The following RADIL variants were observed in gnomAD, a reference collection of about 807,000 sequenced individuals.
RADIL encodes the protein Rap associating with DIL domain, also known as ras-associating and dilute domain-containing protein.
RADIL carries 99 observed loss-of-function variants against 97.6 expected under a neutral mutation model. That is an observed-to-expected ratio of 1.01 (90% CI 0.86 to 1.20). The LOEUF is 1.20. Ranked by LOEUF, RADIL falls within the 50% of genes most tolerant of loss-of-function variation. The pLI, the probability that RADIL is intolerant of heterozygous loss-of-function variation, is 0.00. For synonymous variants in RADIL, 803 were observed against 691.8 expected, an observed-to-expected ratio of 1.16 and a Z score of -2.52; for missense variants, 1,765 against 1,498.9, an observed-to-expected ratio of 1.18 and a Z score of -2.93.
chr7:4,821,187 C>T lies in RADIL; in HGVS notation c.1615+1207G>A, dbSNP rs146143588. Among the ~76,000 whole-genome samples the T allele has an allele frequency of 6.6e-6, 1 of 152,314 alleles. No individual in the cohort carries two copies. The highest frequency in any genetic ancestry group is 1.5e-5 in the Non-Finnish European group (1 of 68,010). On this transcript the variant is annotated intron_variant, in intron 6 of 14. Transcript: ENST00000399583. The surrounding 1 kb of genome is among the most constrained non-coding windows in gnomAD (Gnocchi z 5.2). Reference sequence around the variant, plus strand: ...AGCTCTGAATGCACCACTCCCTACCCGGATCCTCCAGAAGCCAGACCGCCA... The same window carrying T: ...AGCTCTGAATGCACCACTCCCTACCTGGATCCTCCAGAAGCCAGACCGCCA...
intron 5 of RADIL, among the ~76,000 whole-genome samples, chr7:4,823,977 T>A (rs1014834462): frequency 2.6e-5 from 4 of 152,212 alleles, no homozygotes; most frequent in Admixed American, 2.0e-4. Context: ...AGAGGATGCA[T>A]TCATCCCTAA....
At chr7:4,856,560 C>G (rs935083874) in intron 2 of RADIL, among the ~76,000 whole-genome samples, 2 of 152,184 alleles carry the variant, frequency 1.3e-5, no homozygotes, top group African/African-American at 4.8e-5. Context: ...ATCTGATGAA[C>G]AAAATCTCTT....
rs1259460198 is a variant in RADIL, at chr7:4,879,759, A to T, written c.-64-1556T>A. ...GAGCCACACTGTCCCTTAGGAAACT[A>T]AACAGTGGAACCGCCCCAGCCTCCA... On this transcript the variant is annotated intron_variant, in intron 1 of 14. Coordinates refer to ENST00000399583, the MANE Select transcript of RADIL (RefSeq NM_018059.5). The surrounding 1 kb of genome is among the most constrained non-coding windows in gnomAD (Gnocchi z 4.1). 6.6e-6 allele frequency among the ~76,000 whole-genome samples: 1 copy of T among 152,204 alleles called. No homozygotes were observed. Among genetic ancestry groups the T allele is most frequent in the African/African-American group, 2.4e-5 (1 of 41,456 alleles).
intron 9 of RADIL, among the ~76,000 whole-genome samples, chr7:4,812,236 CA>C (rs1414882663): frequency 6.6e-6 from 1 of 152,196 alleles, no homozygotes; most frequent in Non-Finnish European, 1.5e-5. Flanking sequence ...CCTGTTGAAT[CA>C]GTTTCAATAA....
intron 2 of RADIL, chr7:4,861,581 A>G: frequency 6.2e-7 from 1 of 1,613,454 alleles, no homozygotes; most frequent in East Asian, 2.2e-5. Context: ...GATTTCGCGT[A>G]TCCATTCCTT....
At chr7:4,823,889 G>C (rs1124130) in intron 5 of RADIL, among the ~76,000 whole-genome samples, 47,601 of 152,132 alleles carry the variant, frequency 0.31, 10,297 homozygotes, top group African/African-American at 0.61. Flanking sequence ...CTCACAGGTT[G>C]CTCATCTGGT....
At chr7:4,862,038 A>G (rs980311956) in intron 2 of RADIL, 3 of 395,542 alleles carry the variant, frequency 7.6e-6, no homozygotes, top group African/African-American at 6.2e-5. Flanking sequence ...CCTACCGTAC[A>G]CGCGCGGGCG....
intron 9 of RADIL, chr7:4,809,022 C>A: frequency 2.7e-6 from 2 of 744,604 alleles, no homozygotes; most frequent in South Asian, 6.8e-5. Flanking sequence ...CACTGCCCCC[C>A]CTTGTCCCCT....
chr7:4,801,983 C>G lies in RADIL; in HGVS notation c.2512G>C (p.Val838Leu). 1 of 1,538,102 alleles carries G rather than the reference C, an allele frequency of 6.5e-7. No homozygotes were observed. Among genetic ancestry groups the G allele is most frequent in the Non-Finnish European group, 8.7e-7 (1 of 1,146,886 alleles). Reference sequence around the variant, plus strand: ...GCCTCCAGGTGCCCGTCAAGGACCACGTGGTGCATACCCTAGGGAGAGGAA... The same window carrying G: ...GCCTCCAGGTGCCCGTCAAGGACCAGGTGGTGCATACCCTAGGGAGAGGAA... ...QPVCPEGMHH[V>L]VLDGHLEAPS... Residue 838 changes from valine to leucine, a missense_variant, in exon 12 of 15, where the codon GTG (valine) becomes CTG (leucine). Transcript: ENST00000399583.
Position 4,849,701 on chromosome 7 carries a change from ACTGTGT to A in RADIL, c.536-13102_536-13097del, listed in dbSNP as rs1428661542. 1.3e-5 allele frequency among the ~76,000 whole-genome samples: 2 copies of A among 152,134 alleles called. No homozygotes were observed. Among genetic ancestry groups the A allele is most frequent in the African/African-American group, 4.8e-5 (2 of 41,434 alleles). ...TCCTCTTGAGGACAAAGAAAATGATACTGTGTGGGGAGTGTGGACAGGGACGGCTCT... is the reference window on the plus strand; with the variant it reads ...TCCTCTTGAGGACAAAGAAAATGATAGGGGAGTGTGGACAGGGACGGCTCT... On this transcript the variant is annotated intron_variant, in intron 2 of 14. Coordinates refer to ENST00000399583, the MANE Select transcript of RADIL (RefSeq NM_018059.5). The surrounding 1 kb of genome is among the most constrained non-coding windows in gnomAD (Gnocchi z 5.4).
chr7:4,870,888 G>A (rs143213513), intron 2 of RADIL, among the ~76,000 whole-genome samples: 2 of 152,300 alleles, frequency 1.3e-5, no homozygotes, highest in Non-Finnish European at 2.9e-5. Flanking sequence ...CTGCCCCTCC[G>A]GGACTCACTC....
chr7:4,800,061 C>T (rs1480478555), intron 13 of RADIL, 110 bp downstream of exon 13: 32 of 1,412,290 alleles, frequency 2.3e-5, no homozygotes, highest in Admixed American at 2.5e-5. Context: ...CTCTCCTCCC[C>T]GAAGGCCTTC....
intron 6 of RADIL, among the ~76,000 whole-genome samples, chr7:4,820,970 C>T (rs1782815989): frequency 6.6e-6 from 1 of 152,194 alleles, no homozygotes; most frequent in South Asian, 2.1e-4. Flanking sequence ...ACAGCCTGGC[C>T]AGTACCTCGC....
rs1004327484 is a variant in RADIL at position 4,879,861 on chromosome 7, G to A, written c.-64-1658C>T. On this transcript the variant is annotated intron_variant, in intron 1 of 14. Coordinates refer to ENST00000399583, the MANE Select transcript of RADIL (RefSeq NM_018059.5). The surrounding 1 kb of genome is among the most constrained non-coding windows in gnomAD (Gnocchi z 4.1). ...TCTTCTCTGGAGCCTCTCACTGCCC[G>A]CCAGAGCTGTCATGGGTGAGTCCTG... Among the ~76,000 whole-genome samples the A allele has an allele frequency of 3.8e-4, 58 of 152,126 alleles. No homozygotes were observed. The highest frequency in any genetic ancestry group is 1.4e-3 in the African/African-American group (56 of 41,436).
At position 4,834,946 on chromosome 7, in the gene RADIL, C is replaced by T. The variant is rs775315249; in HGVS notation, c.1077G>A (p.Ala359=). The T allele has an allele frequency of 4.4e-6, 7 of 1,602,078 alleles. No homozygotes were observed. The highest frequency in any genetic ancestry group is 1.7e-5 in the Admixed American group (1 of 59,166). The change falls in exon 4 of 15, where the codon GCG becomes GCA. Residue 359 remains alanine, a synonymous_variant. Coordinates refer to ENST00000399583, the MANE Select transcript of RADIL (RefSeq NM_018059.5). The surrounding 1 kb of genome is among the most constrained non-coding windows in gnomAD (Gnocchi z 6.0). The part of the protein sequence containing the change: ...LYYLLLFKDP[A]QAQPLPARAL... ...CCCGGGCGGGCAGGGGCTGGGCCTG[C>T]GCGGGGTCCTTGAATAGCAGCAGGT...
Position 4,840,894 on chromosome 7 carries a change from G to A in RADIL, c.536-4289C>T, listed in dbSNP as rs1783422273. 6.6e-6 allele frequency among the ~76,000 whole-genome samples: 1 copy of A among 152,208 alleles called. No individual in the cohort carries two copies. Among genetic ancestry groups the A allele is most frequent in the Non-Finnish European group, 1.5e-5 (1 of 68,034 alleles). On this transcript the variant is annotated intron_variant, in intron 2 of 14. Transcript: ENST00000399583. The surrounding 1 kb of genome is among the most constrained non-coding windows in gnomAD (Gnocchi z 5.6). ...AGGCAGGAGAATGGCTTGAACCCAGGAGGTGGAGGTTGCAGTGACCTGAGA... is the reference window on the plus strand; with the variant it reads ...AGGCAGGAGAATGGCTTGAACCCAGAAGGTGGAGGTTGCAGTGACCTGAGA...
chr7:4,835,122 G>A lies in RADIL; in HGVS notation c.901C>T (p.Arg301Cys), dbSNP rs377482222. The change falls in exon 4 of 15, where the codon CGC becomes TGC. Residue 301 changes from arginine (R) to cysteine (C), a missense_variant. By Grantham distance (180) the Arg-to-Cys change is radical. Coordinates refer to ENST00000399583, the MANE Select transcript of RADIL (RefSeq NM_018059.5). The surrounding 1 kb of genome is among the most constrained non-coding windows in gnomAD (Gnocchi z 5.8). ...CCGCTGTCCGGGAGCGGTTGCCGGC[G>A]GATGGTGCAGTGTAGAGGCAGGATG... ...PDILPLHCTI[R>C]RQPLPDSGQA... 3.7e-6 allele frequency: 6 copies of A among 1,609,388 alleles called. No individual in the cohort carries two copies. In the African/African-American group the frequency reaches 5.3e-5, roughly 14 times the overall value.
chr7:4,799,294 A>G lies in RADIL; in HGVS notation c.*84T>C. 1.4e-6 allele frequency: 2 copies of G among 1,413,110 alleles called. No individual in the cohort carries two copies. The highest frequency in any genetic ancestry group is 2.0e-6 in the Non-Finnish European group (2 of 1,012,064). 87.5% of individuals were successfully genotyped at this position (1,413,110 alleles called of 1,614,324 possible). ...CCCGGGACCCAACTTGGTCAGTTAC[A>G]AAACAGGGACGAAGGCGGGAGGAAG... On this transcript the variant is annotated 3_prime_UTR_variant, in exon 15 of 15. Transcript: ENST00000399583.
rs1239252051 is a variant in RADIL at position 4,872,827 on chromosome 7, C to A, written c.535+4778G>T. 6.6e-6 allele frequency among the ~76,000 whole-genome samples: 1 copy of A among 152,188 alleles called. No individual in the cohort carries two copies. Among genetic ancestry groups the A allele is most frequent in the Non-Finnish European group, 1.5e-5 (1 of 68,034 alleles). ...AAGCGCCTGGCTGACACCTTCCCCA[C>A]CAGACTCTGTAGGGGAGTCCGAGGT... is the stretch of plus-strand genomic sequence containing the variant. On this transcript the variant is annotated intron_variant, in intron 2 of 14. Transcript: ENST00000399583. This position sits in a 1 kb window ranked among gnomAD's most constrained non-coding sequence, Gnocchi z 5.8.
Sources: allele counts gnomAD v4.1 joint callset (sites outside exome capture counted in the v4.1 genomes callset), GRCh38; gene constraint gnomAD v4.1.1; non-coding constraint Gnocchi (gnomAD v3.1); transcripts MANE v1.5; gene names NCBI Gene and HGNC (gene_info 2026-07-23, HGNC 2026-07-21).